SNTG2: variants seen among roughly 807,000 people sequenced by gnomAD.
SNTG2 encodes gamma-2-syntrophin.
In SNTG2, 74 loss-of-function variants were observed where a neutral mutation model predicts 70.9. That is an observed-to-expected ratio of 1.04 (90% CI 0.86 to 1.27). The LOEUF (loss-of-function observed/expected upper bound fraction) is 1.27. Among genes scored for constraint, SNTG2 ranks in the 50% most tolerant of loss-of-function variants. The pLI is 0.00. For missense variants in SNTG2, 717 were observed against 690.7 expected (o/e 1.04, Z -0.43); for synonymous variants, 278 against 273.8 (o/e 1.02, Z -0.15).
intron 1 of SNTG2, among the ~76,000 whole-genome samples, chr2:1,003,770 G>T (rs1490077796): frequency 6.6e-6 from 1 of 152,168 alleles, no homozygotes; most frequent in Admixed American, 6.5e-5. Flanking sequence ...AGCATCACTC[G>T]TGTAGCTACT....
intron 1 of SNTG2, among the ~76,000 whole-genome samples, chr2:1,018,034 C>T (rs560494157): frequency 8.5e-5 from 13 of 152,152 alleles, no homozygotes; most frequent in Non-Finnish European, 1.8e-4. Flanking sequence ...GTGCATGTAT[C>T]TGGCATCCAT....
At chr2:1,250,625 C>A (rs948357699) in intron 12 of SNTG2, among the ~76,000 whole-genome samples, 18 of 151,354 alleles carry the variant, frequency 1.2e-4, no homozygotes, top group African/African-American at 3.9e-4. Flanking sequence ...TCTATCTCTG[C>A]CTTTCTCTCT....
intron 12 of SNTG2, among the ~76,000 whole-genome samples, chr2:1,248,479 G>T (rs1558594260): frequency 6.6e-6 from 1 of 152,188 alleles, no homozygotes; most frequent in Non-Finnish European, 1.5e-5. Flanking sequence ...GGCTTTAGTT[G>T]CAAGGTTTTG....
chr2:1,328,556 G>C (rs1345949810), intron 16 of SNTG2, among the ~76,000 whole-genome samples: 1 of 152,138 alleles, frequency 6.6e-6, no homozygotes, highest in Non-Finnish European at 1.5e-5. Flanking sequence ...TATTGAACGG[G>C]ACAGGAGAAA....
At chr2:1,121,500 T>C (rs1667374593) in intron 4 of SNTG2, among the ~76,000 whole-genome samples, 1 of 152,220 alleles carries the variant, frequency 6.6e-6, no homozygotes, top group African/African-American at 2.4e-5. Context: ...TTCATCTGTA[T>C]TAGTCCGTTC....
intron 16 of SNTG2, among the ~76,000 whole-genome samples, chr2:1,328,149 A>G (rs1405347144): frequency 6.6e-6 from 1 of 152,082 alleles, no homozygotes; most frequent in Admixed American, 6.5e-5. Context: ...ATGGTGCTGA[A>G]CCACGAGAAC....
chr2:1,162,078 A>AG (rs1188516103), intron 6 of SNTG2, among the ~76,000 whole-genome samples: 1 of 151,286 alleles, frequency 6.6e-6, no homozygotes, highest in Non-Finnish European at 1.5e-5. Context: ...TCTCAAAAAA[A>AG]AAAAAAAAAA....
chr2:1,101,396 C>T (rs1558399916), intron 4 of SNTG2, among the ~76,000 whole-genome samples: 1 of 152,254 alleles, frequency 6.6e-6, no homozygotes, highest in African/African-American at 2.4e-5. Context: ...TTTAGAGACA[C>T]ATTTATATCC....
intron 1 of SNTG2, among the ~76,000 whole-genome samples, chr2:990,043 G>T (rs1045817001): frequency 6.6e-6 from 1 of 152,056 alleles, no homozygotes; most frequent in African/African-American, 2.4e-5. Flanking sequence ...TGACCCCTTT[G>T]TGGTTATTCT....
intron 12 of SNTG2, among the ~76,000 whole-genome samples, chr2:1,255,252 T>C (rs559838192): frequency 6.6e-6 from 1 of 152,312 alleles, no homozygotes; most frequent in Admixed American, 6.5e-5. Context: ...CAATTCACAG[T>C]GGCTGCTTCC....
chr2:1,330,339 G>T (rs1485540447), intron 16 of SNTG2, among the ~76,000 whole-genome samples: 5 of 152,164 alleles, frequency 3.3e-5, no homozygotes, highest in African/African-American at 1.2e-4. Flanking sequence ...TTCTGTGGTG[G>T]TCTAAAGAAT....
intron 14 of SNTG2, among the ~76,000 whole-genome samples, chr2:1,271,649 G>A (rs541706894): frequency 4.6e-5 from 7 of 151,992 alleles, no homozygotes; most frequent in Non-Finnish European, 8.8e-5. Flanking sequence ...ATTGTGCCTC[G>A]GTGTGGCTCC....
At chr2:1,061,904 G>A (rs1662847700) in intron 1 of SNTG2, among the ~76,000 whole-genome samples, 2 of 151,968 alleles carry the variant, frequency 1.3e-5, no homozygotes, top group African/African-American at 2.4e-5. Flanking sequence ...TAAGAGCAGA[G>A]ATAAATAAAA....
intron 1 of SNTG2, among the ~76,000 whole-genome samples, chr2:1,025,370 G>A (rs1660419706): frequency 6.6e-6 from 1 of 152,168 alleles, no homozygotes; most frequent in Non-Finnish European, 1.5e-5. Context: ...GATGGCTGTG[G>A]ACCTGTGCGG....
chr2:1,077,366 C>A (rs4971426), intron 1 of SNTG2, among the ~76,000 whole-genome samples: 119,934 of 152,176 alleles, frequency 0.79, 47,522 homozygotes, highest in Admixed American at 0.88. Context: ...ATTTACCTGC[C>A]TGGTAGTTTA....
At chr2:971,818 T>C (rs1163137818) in intron 1 of SNTG2, among the ~76,000 whole-genome samples, 1 of 152,074 alleles carries the variant, frequency 6.6e-6, no homozygotes, top group Non-Finnish European at 1.5e-5. Flanking sequence ...TTTGTCTTAA[T>C]ACTGCTTTAG....
chr2:1,121,661 C>A (rs28826401), intron 4 of SNTG2, among the ~76,000 whole-genome samples: 1 of 151,794 alleles, frequency 6.6e-6, no homozygotes, highest in Non-Finnish European at 1.5e-5. Flanking sequence ...CATAAGGTGG[C>A]AGGAAAGAGA....
At chr2:1,278,259 G>A (rs1320161188) in intron 14 of SNTG2, among the ~76,000 whole-genome samples, 1 of 152,186 alleles carries the variant, frequency 6.6e-6, no homozygotes, top group Non-Finnish European at 1.5e-5. Context: ...GTTTATGGAG[G>A]GCAGAAGGTG....
chr2:1,222,602 G>T (rs1675385860), intron 9 of SNTG2, among the ~76,000 whole-genome samples: 2 of 4,734 alleles, frequency 4.2e-4, no homozygotes, highest in Non-Finnish European at 1.1e-3. Flanking sequence ...CCTGCTGCTG[G>T]AGGTGCTGGA....
Sources: allele counts gnomAD v4.1 joint callset (sites outside exome capture counted in the v4.1 genomes callset), GRCh38; gene constraint gnomAD v4.1.1; transcripts MANE v1.5; gene names NCBI Gene and HGNC (gene_info 2026-07-23, HGNC 2026-07-21).